The following CALN1 variants were observed in gnomAD, a reference collection of about 807,000 sequenced individuals.
The protein encoded by CALN1 is calneuron 1.
In CALN1, 17 loss-of-function variants were observed where a neutral mutation model predicts 30.6. The ratio of observed to expected loss-of-function variants is 0.56; its 90% CI spans 0.38 to 0.83. The LOEUF is 0.83. Ranked by LOEUF, CALN1 falls within the 40% of genes least tolerant of loss-of-function variation. The pLI is 0.00. For synonymous variants in CALN1, 156 were observed against 131.4 expected, an observed-to-expected ratio of 1.19 and a Z score of -1.28; for missense variants, 291 against 354.9, an observed-to-expected ratio of 0.82 and a Z score of 1.45.
At chr7:71,791,448 G>C (rs1420201285) in intron 6 of CALN1, among the ~76,000 whole-genome samples, 1 of 152,152 alleles carries the variant, frequency 6.6e-6, no homozygotes, top group Non-Finnish European at 1.5e-5. Context: ...ACTAACACAG[G>C]AAGAGAAAAT....
In CALN1 at chr7:72,053,765, T is replaced by C. The variant is rs143150777; in HGVS notation, c.389-29996A>G. 1.0e-3 allele frequency among the ~76,000 whole-genome samples: 152 copies of C among 152,164 alleles called. 4 individuals carry two copies. In the East Asian group the frequency reaches 0.028, roughly 28 times the overall value. On this transcript the variant is annotated intron_variant, in intron 4 of 6. Transcript: ENST00000395275. ...CCAGCAGTATACACTGCACCATATTTGTTGTCTTTTATCCCTCACCCCCCT... is the reference window on the plus strand; with the variant it reads ...CCAGCAGTATACACTGCACCATATTCGTTGTCTTTTATCCCTCACCCCCCT...
chr7:72,398,033 G>A (rs547859646), intron 2 of CALN1, among the ~76,000 whole-genome samples: 3 of 152,250 alleles, frequency 2.0e-5, no homozygotes, highest in African/African-American at 7.2e-5. Context: ...AGCATTGTGG[G>A]GAAGTAGGAC....
intron 3 of CALN1, among the ~76,000 whole-genome samples, chr7:72,207,233 T>C (rs1231167142): frequency 6.6e-6 from 1 of 152,128 alleles, no homozygotes; most frequent in Admixed American, 6.6e-5. Context: ...CGGCCCTCTG[T>C]CTCTTTGTCG....
chr7:72,437,525 A>AGTGT (rs9297115), intron 1 of CALN1, among the ~76,000 whole-genome samples: 24,366 of 150,550 alleles, frequency 0.16, 2,719 homozygotes, highest in African/African-American at 0.31. Context: ...AGTTGTGTGG[A>AGTGT]GTGTGTGTGT....
At chr7:72,334,867 T>C (rs1314584134) in intron 2 of CALN1, among the ~76,000 whole-genome samples, 2 of 152,124 alleles carry the variant, frequency 1.3e-5, no homozygotes, top group Non-Finnish European at 2.9e-5. Flanking sequence ...GCTATTGCCA[T>C]GAAAAACCCA....
chr7:72,400,536 A>ACTGAT (rs1806270887), intron 2 of CALN1, among the ~76,000 whole-genome samples: 1 of 152,124 alleles, frequency 6.6e-6, no homozygotes, highest in Admixed American at 6.6e-5. Context: ...TGATCAGTAA[A>ACTGAT]CTGATGGGAG....
intron 5 of CALN1, among the ~76,000 whole-genome samples, chr7:71,927,823 T>G (rs1175573686): frequency 6.6e-6 from 1 of 152,172 alleles, no homozygotes; most frequent in Non-Finnish European, 1.5e-5. Context: ...CTCCTCTCTG[T>G]AGCAGCCAAA....
chr7:72,152,391 T>C (rs1787322133), intron 3 of CALN1, among the ~76,000 whole-genome samples: 1 of 152,194 alleles, frequency 6.6e-6, no homozygotes, highest in Non-Finnish European at 1.5e-5. Flanking sequence ...TGATTTCCTG[T>C]GAGAGCCCTA....
intron 3 of CALN1, among the ~76,000 whole-genome samples, chr7:72,131,607 C>A (rs1809154478): frequency 6.6e-6 from 1 of 152,186 alleles, no homozygotes; most frequent in Non-Finnish European, 1.5e-5. Context: ...TGGGCAAATT[C>A]TGGATCTTGC....
intron 3 of CALN1, among the ~76,000 whole-genome samples, chr7:72,118,241 T>C (rs1410509471): frequency 6.6e-6 from 1 of 152,200 alleles, no homozygotes; most frequent in East Asian, 1.9e-4. Flanking sequence ...GGTGAAATTA[T>C]ACCAACAAAC....
intron 5 of CALN1, among the ~76,000 whole-genome samples, chr7:71,934,850 T>A (rs1027414203): frequency 1.3e-5 from 2 of 152,298 alleles, no homozygotes; most frequent in African/African-American, 2.4e-5. Flanking sequence ...GCAAGTCACA[T>A]ATTACATGGT....
intron 2 of CALN1, among the ~76,000 whole-genome samples, chr7:72,282,855 AC>A (rs1270191304): frequency 6.6e-6 from 1 of 152,120 alleles, no homozygotes; most frequent in Admixed American, 6.5e-5. Context: ...GGAGTTGGAC[AC>A]CAGCCTGGAC....
chr7:71,868,607 G>T (rs1351386846), intron 5 of CALN1, among the ~76,000 whole-genome samples: 1 of 151,886 alleles, frequency 6.6e-6, no homozygotes, highest in Non-Finnish European at 1.5e-5. Flanking sequence ...CCTGACCTCA[G>T]GTTATCCATC....
At chr7:72,071,609 A>C (rs898839316) in intron 4 of CALN1, among the ~76,000 whole-genome samples, 10 of 152,350 alleles carry the variant, frequency 6.6e-5, no homozygotes, top group African/African-American at 2.2e-4. Context: ...AGCCTATGAC[A>C]ATTAAAAAAC....
rs571198822 is a variant in CALN1 at position 72,339,453 on chromosome 7, T to C, written c.120-60643A>G. On this transcript the variant is annotated intron_variant, in intron 2 of 6. Transcript: ENST00000395275. The stretch of plus-strand genomic sequence containing the variant: ...ACCCCAGCATGAAAACACAGAAAAA[T>C]CCTGAGTTCCTTCAAAGAAACTCCA... Among the ~76,000 whole-genome samples the C allele has an allele frequency of 9.6e-4, 146 of 152,130 alleles. 1 individual carries two copies. Among genetic ancestry groups the C allele is most frequent in the African/African-American group, 3.4e-3 (141 of 41,504 alleles).
At chr7:72,344,501 A>AAAGC (rs1802524396) in intron 2 of CALN1, among the ~76,000 whole-genome samples, 2 of 150,340 alleles carry the variant, frequency 1.3e-5, no homozygotes, top group Non-Finnish European at 3.0e-5. Flanking sequence ...CACAGAATAT[A>AAAGC]ATTCCAATGC....
At chr7:72,344,247 G>A (rs1802513805) in intron 2 of CALN1, among the ~76,000 whole-genome samples, 1 of 151,888 alleles carries the variant, frequency 6.6e-6, no homozygotes, top group South Asian at 2.1e-4. Flanking sequence ...CCCCACCATG[G>A]GCTATCTGAA....
At chr7:72,132,510 T>C (rs532782004) in intron 3 of CALN1, among the ~76,000 whole-genome samples, 52 of 152,206 alleles carry the variant, frequency 3.4e-4, no homozygotes, top group African/African-American at 1.2e-3. Context: ...GAACATTCCA[T>C]CTCCAGTTAA....
chr7:72,161,182 A>G (rs548839095), intron 3 of CALN1, among the ~76,000 whole-genome samples: 1 of 152,344 alleles, frequency 6.6e-6, no homozygotes, highest in East Asian at 1.9e-4. Context: ...AGAGGATGAC[A>G]TAAGGAGGAT....
Sources: allele counts gnomAD v4.1 joint callset (sites outside exome capture counted in the v4.1 genomes callset), GRCh38; gene constraint gnomAD v4.1.1; transcripts MANE v1.5; gene names NCBI Gene and HGNC (gene_info 2026-07-23, HGNC 2026-07-21).